The following SLC8A2 variants were observed in gnomAD, a reference collection of about 807,000 sequenced individuals.
SLC8A2 encodes the protein solute carrier family 8 member A2.
In SLC8A2, 14 loss-of-function variants were observed where a neutral mutation model predicts 70.2. The observed-to-expected ratio is 0.20, with a 90% CI of 0.13 to 0.31. SLC8A2 has a LOEUF of 0.31. Ranked by LOEUF, SLC8A2 falls within the 10% of genes least tolerant of loss-of-function variation. The pLI, the probability that SLC8A2 is intolerant of heterozygous loss-of-function variation, is 1.00. For synonymous variants in SLC8A2, 575 were observed against 594.3 expected (o/e 0.97, Z 0.47); for missense variants, 779 against 1,320.1 (o/e 0.59, Z 6.35).
At position 47,447,518 on chromosome 19, in the gene SLC8A2, A is replaced by C. The variant is rs1599850974; in HGVS notation, c.1763+291T>G. 1 of 466,090 alleles carries C rather than the reference A, an allele frequency of 2.1e-6. No homozygotes were observed. Among genetic ancestry groups the C allele is most frequent in the Non-Finnish European group, 3.8e-6 (1 of 262,862 alleles). The allele number at this position is 466,090 out of a possible 1,614,324, so 28.9% of individuals were successfully genotyped here. A position where few individuals can be genotyped will look rare whatever the true frequency, so the allele number is the denominator to read the frequency against. ...CCCGCCCACGTGGTAGACACAGCAC[A>C]CCTAGGCCCCGCCCCTCCCGAGGCC... On this transcript the variant is annotated intron_variant, in intron 4 of 9. Coordinates refer to ENST00000236877, the MANE Select transcript of SLC8A2 (RefSeq NM_015063.3). This position sits in a 1 kb window ranked among gnomAD's most constrained non-coding sequence, Gnocchi z 5.1.
intron 2 of SLC8A2, among the ~76,000 whole-genome samples, chr19:47,463,385 A>T (rs1490789812): frequency 6.7e-6 from 1 of 149,212 alleles, no homozygotes; most frequent in Non-Finnish European, 1.5e-5. Context: ...CGCCCGCCTC[A>T]GCCTCCCAAA....
chr19:47,442,844 C>T (rs936008484), intron 4 of SLC8A2, among the ~76,000 whole-genome samples: 1 of 152,022 alleles, frequency 6.6e-6, no homozygotes, highest in African/African-American at 2.4e-5. Context: ...CTACCATGCT[C>T]AGTTAATTTT....
Position 47,430,373 on chromosome 19 carries a change from G to A in SLC8A2, c.2482C>T (p.Leu828Phe), listed in dbSNP as rs767266619. The change falls in exon 10 of 10, where the codon CTT becomes TTT. Residue 828 changes from leucine to phenylalanine, a missense_variant. By Grantham distance (22) the Leu-to-Phe change is conservative (BLOSUM62 0). Transcript: ENST00000236877. This position sits in a 1 kb window ranked among gnomAD's most constrained non-coding sequence, Gnocchi z 5.9. Reference sequence around the variant, plus strand: ...ACAGACCAGGCGACGCCCAGGCCAAGGAACACGTTCACCGCGTTGGAGCCG... The same window carrying A: ...ACAGACCAGGCGACGCCCAGGCCAAAGAACACGTTCACCGCGTTGGAGCCG... ...VTGSNAVNVF[L>F]GLGVAWSVAA... The A allele has an allele frequency of 6.2e-7, 1 of 1,611,804 alleles. No individual in the cohort carries two copies. Among genetic ancestry groups the A allele is most frequent in the Admixed American group, 1.7e-5 (1 of 59,924 alleles).
rs1022837851 is a variant in SLC8A2, at chr19:47,447,434, C to T, written c.1763+375G>A. On this transcript the variant is annotated intron_variant, in intron 4 of 9. Transcript: ENST00000236877. The surrounding 1 kb of genome is among the most constrained non-coding windows in gnomAD (Gnocchi z 5.1). ...TTCCTCCTTGGGGCCCTCTTCTCAC[C>T]TGTCCGGCCACCCTTCTAGGCCTCG... 5.4e-5 allele frequency: 16 copies of T among 296,574 alleles called. No individual in the cohort carries two copies. In the South Asian group the frequency reaches 6.2e-4, roughly 11 times the overall value. 18.4% of individuals were successfully genotyped at this position (296,574 alleles called of 1,614,324 possible).
In SLC8A2 at chr19:47,430,466, C is replaced by T; in HGVS notation, c.2390-1G>A. The T allele has an allele frequency of 6.3e-7, 1 of 1,599,386 alleles. No homozygotes were observed. Among genetic ancestry groups the T allele is most frequent in the South Asian group, 1.1e-5 (1 of 89,912 alleles). On this transcript the variant is annotated splice_acceptor_variant, in intron 9 of 9. Coordinates refer to ENST00000236877, the MANE Select transcript of SLC8A2 (RefSeq NM_015063.3). LOFTEE classifies it high-confidence loss of function. This position sits in a 1 kb window ranked among gnomAD's most constrained non-coding sequence, Gnocchi z 5.9. ...GCCGCCACCTTGCTGGCGAACGTGTCTGCGAGGCAGAGACATACAGGTCGG... is the reference window on the plus strand; with the variant it reads ...GCCGCCACCTTGCTGGCGAACGTGTTTGCGAGGCAGAGACATACAGGTCGG...
chr19:47,459,870 G>A (rs567685536), intron 2 of SLC8A2, among the ~76,000 whole-genome samples: 1 of 152,226 alleles, frequency 6.6e-6, no homozygotes, highest in South Asian at 2.1e-4. Context: ...TTTAGATGCT[G>A]AGAACCATGC....
At chr19:47,470,345 TC>T (rs1185802002) in intron 1 of SLC8A2, among the ~76,000 whole-genome samples, 4 of 109,242 alleles carry the variant, frequency 3.7e-5, no homozygotes, top group African/African-American at 1.2e-4. Context: ...CAGGGAGACA[TC>T]ATACACACAC....
rs60673008 is a variant in SLC8A2 at position 47,459,395 on chromosome 19, A to G, written c.676-1801T>C. Among the ~76,000 whole-genome samples, 500 of 150,636 alleles carry G rather than the reference A, an allele frequency of 3.3e-3. 11 individuals carry two copies. In the South Asian group the frequency reaches 0.034, roughly 10 times the overall value. Reference sequence around the variant, plus strand: ...GGCTCCATCTCCTTCTTTTGTATCTATTGGTAGATATCTATTTCCCTCCCT... The same window carrying G: ...GGCTCCATCTCCTTCTTTTGTATCTGTTGGTAGATATCTATTTCCCTCCCT... On this transcript the variant is annotated intron_variant, in intron 2 of 9. Transcript: ENST00000236877.
intron 4 of SLC8A2, among the ~76,000 whole-genome samples, chr19:47,446,995 C>T (rs1967171218): frequency 1.3e-5 from 2 of 152,108 alleles, no homozygotes; most frequent in Non-Finnish European, 2.9e-5. Flanking sequence ...CCCAGTGTCT[C>T]CCCAGGCCCT....
Position 47,428,462 on chromosome 19 carries a change from T to A in SLC8A2, c.*1627A>T, listed in dbSNP as rs1966903054. 1 of 149,348 alleles carries A rather than the reference T, an allele frequency of 6.7e-6. No individual in the cohort carries two copies. Among genetic ancestry groups the A allele is most frequent in the African/African-American group, 2.5e-5 (1 of 40,150 alleles). The allele number at this position is 149,348 out of a possible 1,614,324, so 9.3% of individuals were successfully genotyped here. A position where few individuals can be genotyped will look rare whatever the true frequency, so the allele number is the denominator to read the frequency against. On this transcript the variant is annotated 3_prime_UTR_variant, in exon 10 of 10. Transcript: ENST00000236877. Reference sequence around the variant, plus strand: ...GGCTGACGGATGGGGGCGTGGCTAGTGGAAGCTCATTACTGATGGGGGCGT... The same window carrying A: ...GGCTGACGGATGGGGGCGTGGCTAGAGGAAGCTCATTACTGATGGGGGCGT...
chr19:47,462,767 T>C (rs1470980153), intron 2 of SLC8A2, among the ~76,000 whole-genome samples: 3 of 151,686 alleles, frequency 2.0e-5, no homozygotes, highest in Non-Finnish European at 4.4e-5. Flanking sequence ...TTTGTATTTT[T>C]AGTAGAGACA....
chr19:47,447,660 AC>A lies in SLC8A2; in HGVS notation c.1763+148del. 4.2e-6 allele frequency: 3 copies of A among 706,784 alleles called. No homozygotes were observed. The highest frequency in any genetic ancestry group is 6.4e-6 in the Non-Finnish European group (3 of 466,586). The allele number at this position is 706,784 out of a possible 1,614,324, so 43.8% of individuals were successfully genotyped here. A position where few individuals can be genotyped will look rare whatever the true frequency, so the allele number is the denominator to read the frequency against. On this transcript the variant is annotated intron_variant, in intron 4 of 9. Transcript: ENST00000236877. The surrounding 1 kb of genome is among the most constrained non-coding windows in gnomAD (Gnocchi z 5.1). ...CACAGGCCCCGCCCACGTTGCGGGC[AC>A]GGCCACGCAGGCCCCTCCCCTCCCG...
Position 47,429,829 on chromosome 19 carries a change from G to A in SLC8A2, c.*260C>T, listed in dbSNP as rs1966926982. On this transcript the variant is annotated 3_prime_UTR_variant, in exon 10 of 10. Transcript: ENST00000236877. ...GGGTGGAAATTTCCCCAGGGATATA[G>A]ACGGTCACCAACAGGATGGGCTGGA... 1 of 571,044 alleles carries A rather than the reference G, an allele frequency of 1.8e-6. No individual in the cohort carries two copies. The highest frequency in any genetic ancestry group is 1.9e-5 in the African/African-American group (1 of 52,582). The allele number at this position is 571,044 out of a possible 1,614,324, so 35.4% of individuals were successfully genotyped here. A position where few individuals can be genotyped will look rare whatever the true frequency, so the allele number is the denominator to read the frequency against.
In SLC8A2 at chr19:47,429,865, C is replaced by A; in HGVS notation, c.*224G>T. On this transcript the variant is annotated 3_prime_UTR_variant, in exon 10 of 10. Coordinates refer to ENST00000236877, the MANE Select transcript of SLC8A2 (RefSeq NM_015063.3). ...ACAGGATGGGCTGGAGTTGGGGTCA[C>A]CGCAGGGGAGGAACCGGGGAGGCTC... is the stretch of plus-strand genomic sequence containing the variant. 1.7e-6 allele frequency: 1 copy of A among 597,480 alleles called. No homozygotes were observed. The highest frequency in any genetic ancestry group is 3.0e-6 in the Non-Finnish European group (1 of 337,812). The allele number at this position is 597,480 out of a possible 1,614,324, so 37.0% of individuals were successfully genotyped here.
At chr19:47,456,704 G>A (rs914555051) in intron 3 of SLC8A2, among the ~76,000 whole-genome samples, 1 of 152,210 alleles carries the variant, frequency 6.6e-6, no homozygotes, top group African/African-American at 2.4e-5. Flanking sequence ...GAAGGCGGGA[G>A]GTGTAGCCTT....
intron 8 of SLC8A2, among the ~76,000 whole-genome samples, chr19:47,436,553 C>T (rs560308837): frequency 1.1e-4 from 17 of 152,324 alleles, no homozygotes; most frequent in African/African-American, 2.2e-4. Flanking sequence ...TCTTTGGATC[C>T]TGCTCGCCCA....
Position 47,447,712 on chromosome 19 carries a change from T to A in SLC8A2, c.1763+97A>T. ...AGGCCCAACCAAGACCCGCCCACTA[T>A]GTGGGCATGGCTCACCCAGGCCCCG... is the stretch of plus-strand genomic sequence containing the variant. On this transcript the variant is annotated intron_variant, in intron 4 of 9. Transcript: ENST00000236877. This position sits in a 1 kb window ranked among gnomAD's most constrained non-coding sequence, Gnocchi z 5.1. 1 of 1,265,116 alleles carries A rather than the reference T, an allele frequency of 7.9e-7. No individual in the cohort carries two copies. The highest frequency in any genetic ancestry group is 1.0e-6 in the Non-Finnish European group (1 of 959,558). 78.4% of individuals were successfully genotyped at this position (1,265,116 alleles called of 1,614,324 possible). A position where few individuals can be genotyped will look rare whatever the true frequency, so the allele number is the denominator to read the frequency against.
chr19:47,445,002 C>T (rs1356386409), intron 4 of SLC8A2, among the ~76,000 whole-genome samples: 1 of 152,050 alleles, frequency 6.6e-6, no homozygotes, highest in Non-Finnish European at 1.5e-5. Flanking sequence ...ATGTCTTTAT[C>T]GCGTCTCCAT....
At chr19:47,460,284 A>G (rs17760133) in intron 2 of SLC8A2, among the ~76,000 whole-genome samples, 1 of 152,220 alleles carries the variant, frequency 6.6e-6, no homozygotes, top group African/African-American at 2.4e-5. Flanking sequence ...TACCACAGGG[A>G]TGGCTGTCTC....
Sources: gnomAD v4.1 joint callset for allele counts (sites outside exome capture counted in the v4.1 genomes callset) on GRCh38, gnomAD v4.1.1 for gene constraint, Gnocchi (gnomAD v3.1) non-coding constraint, MANE v1.5 for transcripts, NCBI Gene and HGNC (gene_info 2026-07-23, HGNC 2026-07-21) for gene names.